Variants in CACUL1 observed in about 807,000 individuals in gnomAD.
CACUL1 encodes the protein CDK2 associated cullin domain 1, also known as CDK2-associated and cullin domain-containing protein 1.
A neutral mutation model predicts 45.2 loss-of-function variants in CACUL1; 13 were observed. The observed-to-expected ratio is 0.29, with a 90% CI of 0.19 to 0.46. CACUL1 has a LOEUF of 0.46. CACUL1 is among the 20% of genes least tolerant of loss of function. The pLI is 1.00. For synonymous variants in CACUL1, 197 were observed against 174.2 expected (o/e 1.13, Z -1.03); for missense variants, 421 against 471.4 (o/e 0.89, Z 0.99).
At chr10:118,746,673 GA>G (rs964363261) in intron 1 of CACUL1, among the ~76,000 whole-genome samples, 2 of 152,102 alleles carry the variant, frequency 1.3e-5, no homozygotes, top group Non-Finnish European at 2.9e-5. Flanking sequence ...ACCAGAGGGA[GA>G]AAACAGTAAT....
rs1364202258 is a variant in CACUL1 at position 118,684,409 on chromosome 10, C to G, written c.*1719G>C. The stretch of plus-strand genomic sequence containing the variant: ...AATTCTCCTTGATACTAGAATGTTA[C>G]CAGTGTAGCAACTTAAACTGTCCAG... On this transcript the variant is annotated 3_prime_UTR_variant, in exon 9 of 9. Transcript: ENST00000369151. 2.0e-5 allele frequency: 3 copies of G among 152,274 alleles called. No homozygotes were observed. The East Asian group carries it at 5.8e-4, about 29-fold the overall frequency. The allele number at this position is 152,274 out of a possible 1,614,324, so 9.4% of individuals were successfully genotyped here.
At chr10:118,722,221 C>CT (rs1564834971) in intron 3 of CACUL1, among the ~76,000 whole-genome samples, 1 of 151,728 alleles carries the variant, frequency 6.6e-6, no homozygotes, top group Non-Finnish European at 1.5e-5. Flanking sequence ...GTAGCTGGGA[C>CT]TACAGGCATG....
chr10:118,677,606 A>G lies in CACUL1; in HGVS notation c.*8522T>C, dbSNP rs1845110590. 1 of 152,154 alleles carries G rather than the reference A, an allele frequency of 6.6e-6. No homozygotes were observed. The highest frequency in any genetic ancestry group is 1.5e-5 in the Non-Finnish European group (1 of 68,030). The allele number at this position is 152,154 out of a possible 1,614,324, so 9.4% of individuals were successfully genotyped here. ...ATATACTTAGTTTTTTCTGATTTTG[A>G]ACTTTACATAAAGGTACCCATGCTG... On this transcript the variant is annotated 3_prime_UTR_variant, in exon 9 of 9. Coordinates refer to ENST00000369151, the MANE Select transcript of CACUL1 (RefSeq NM_153810.5).
rs1326703162 is a variant in CACUL1, at chr10:118,685,863, T to C, written c.*265A>G. 6.8e-6 allele frequency: 2 copies of C among 295,320 alleles called. No individual in the cohort carries two copies. The highest frequency in any genetic ancestry group is 1.2e-5 in the Non-Finnish European group (2 of 161,200). The allele number at this position is 295,320 out of a possible 1,614,324, so 18.3% of individuals were successfully genotyped here. A position where few individuals can be genotyped will look rare whatever the true frequency, so the allele number is the denominator to read the frequency against. ...ACTTAGAAATGGTCACTTTCTGAGA[T>C]GCTTTTTCCTCACAGAATCTGTAGA... On this transcript the variant is annotated 3_prime_UTR_variant, in exon 9 of 9. Transcript: ENST00000369151.
At chr10:118,699,990 CAAA>C (rs1394700443) in intron 5 of CACUL1, among the ~76,000 whole-genome samples, 1 of 148,668 alleles carries the variant, frequency 6.7e-6, no homozygotes, top group African/African-American at 2.5e-5. Context: ...CCCAGCCTTA[CAAA>C]AAAAAATGGG....
chr10:118,731,288 A>G (rs1845695410), intron 1 of CACUL1, among the ~76,000 whole-genome samples: 1 of 152,338 alleles, frequency 6.6e-6, no homozygotes, highest in African/African-American at 2.4e-5. Context: ...CAGACTAGGA[A>G]GCAGAGTGGT....
intron 1 of CACUL1, among the ~76,000 whole-genome samples, chr10:118,733,789 A>G (rs1435437197): frequency 6.6e-6 from 1 of 152,190 alleles, no homozygotes; most frequent in Non-Finnish European, 1.5e-5. Context: ...AGGCGAGAGC[A>G]CCGCCTGAGC....
At chr10:118,726,406 A>G in intron 3 of CACUL1, 1 of 1,035,906 alleles carries the variant, frequency 9.7e-7, no homozygotes, top group Non-Finnish European at 1.3e-6. Flanking sequence ...TGTGGCAGAC[A>G]CTAAGGATAA....
At chr10:118,732,071 C>G (rs1845702261) in intron 1 of CACUL1, among the ~76,000 whole-genome samples, 1 of 152,090 alleles carries the variant, frequency 6.6e-6, no homozygotes, top group African/African-American at 2.4e-5. Context: ...GACTTTTACT[C>G]TAAGGTGGAA....
At position 118,754,771 on chromosome 10, in the gene CACUL1, C is replaced by G. The variant is rs1845940651; in HGVS notation, c.-9G>C. The stretch of plus-strand genomic sequence containing the variant: ...TCCATGCTTTCCTCCATCCTGCTGG[C>G]CCCCGGCACCCGCCCGCCTCACAGG... On this transcript the variant is annotated 5_prime_UTR_variant, in exon 1 of 9. Transcript: ENST00000369151. 6 of 1,542,344 alleles carry G rather than the reference C, an allele frequency of 3.9e-6. No homozygotes were observed. The South Asian group carries it at 5.0e-5, about 13-fold the overall frequency.
At chr10:118,686,293 A>G in intron 8 of CACUL1, 125 bp from the exon 9 acceptor site, 1 of 843,136 alleles carries the variant, frequency 1.2e-6, no homozygotes, top group South Asian at 1.5e-5. Context: ...CTTAAAAAAA[A>G]TCCTCAAAAC....
chr10:118,720,473 G>A (rs1845589319), intron 3 of CACUL1, among the ~76,000 whole-genome samples: 4 of 152,086 alleles, frequency 2.6e-5, no homozygotes, highest in African/African-American at 9.7e-5. Context: ...AAATTACACA[G>A]TTTGGTCTCA....
chr10:118,733,667 G>A (rs568460384), intron 1 of CACUL1, among the ~76,000 whole-genome samples: 1 of 152,300 alleles, frequency 6.6e-6, no homozygotes, highest in Admixed American at 6.5e-5. Context: ...CTCTTGTTAA[G>A]AGATATGTAA....
At chr10:118,746,487 A>C (rs1453495648) in intron 1 of CACUL1, among the ~76,000 whole-genome samples, 1 of 152,244 alleles carries the variant, frequency 6.6e-6, no homozygotes, top group Non-Finnish European at 1.5e-5. Flanking sequence ...TAAACGTAAA[A>C]GCTAAAACCA....
At chr10:118,746,835 G>A (rs377547202) in intron 1 of CACUL1, among the ~76,000 whole-genome samples, 9 of 152,268 alleles carry the variant, frequency 5.9e-5, no homozygotes, top group Admixed American at 2.0e-4. Flanking sequence ...AAAAGCCAAC[G>A]GCACATGTAA....
chr10:118,736,344 A>C (rs1845740898), intron 1 of CACUL1, among the ~76,000 whole-genome samples: 1 of 152,182 alleles, frequency 6.6e-6, no homozygotes, highest in Non-Finnish European at 1.5e-5. Context: ...AAAAGTTTAT[A>C]AAGTAAAAAA....
chr10:118,708,221 T>C (rs1564831931), intron 3 of CACUL1, among the ~76,000 whole-genome samples: 1 of 151,792 alleles, frequency 6.6e-6, no homozygotes, highest in Non-Finnish European at 1.5e-5. Context: ...TACATGGATA[T>C]TCTATATAGA....
chr10:118,691,118 G>C, intron 7 of CACUL1, 147 bp downstream of exon 7: 1 of 671,580 alleles, frequency 1.5e-6, no homozygotes, highest in Middle Eastern at 4.3e-4. Flanking sequence ...CATTTCTACA[G>C]ACAAGGAGCT....
intron 1 of CACUL1, among the ~76,000 whole-genome samples, chr10:118,745,950 A>G (rs934329732): frequency 2.0e-5 from 3 of 151,190 alleles, no homozygotes; most frequent in African/African-American, 2.4e-5. Context: ...CATCCTGGCT[A>G]ATACGGTGAA....
Sources: allele counts gnomAD v4.1 joint callset (sites outside exome capture counted in the v4.1 genomes callset), GRCh38; gene constraint gnomAD v4.1.1; transcripts MANE v1.5; gene names NCBI Gene and HGNC (gene_info 2026-07-23, HGNC 2026-07-21).